DCLK1: variants seen among roughly 807,000 people sequenced by gnomAD.
DCLK1 encodes the protein doublecortin like kinase 1.
Under a neutral mutation model 86.2 loss-of-function variants are expected in DCLK1, and 16 were observed. The observed-to-expected ratio is 0.19, with a 90% CI of 0.13 to 0.28. The LOEUF (loss-of-function observed/expected upper bound fraction) is 0.28. Ranked by LOEUF, DCLK1 falls within the 10% of genes least tolerant of loss-of-function variation. DCLK1 has a pLI of 1.00. For synonymous variants in DCLK1, 369 were observed against 370.5 expected (o/e 1.00, Z 0.05); for missense variants, 590 against 940.2 (o/e 0.63, Z 4.87).
At chr13:36,045,861 A>T in intron 3 of DCLK1, among the ~76,000 whole-genome samples, 1 of 152,164 alleles carries the variant, frequency 6.6e-6, no homozygotes, top group Admixed American at 6.5e-5. Flanking sequence ...TCAAGAAAAA[A>T]AAAAAAAGTT....
intron 3 of DCLK1, among the ~76,000 whole-genome samples, chr13:36,095,088 A>G (rs780191589): frequency 1.3e-5 from 2 of 152,168 alleles, no homozygotes; most frequent in Non-Finnish European, 2.9e-5. Flanking sequence ...TTTGTCAAGA[A>G]CCAGAAATTT....
intron 3 of DCLK1, among the ~76,000 whole-genome samples, chr13:35,992,883 AACTGCACTGATAT>A (rs1214856050): frequency 8.5e-5 from 13 of 152,050 alleles, no homozygotes; most frequent in Non-Finnish European, 1.8e-4. Flanking sequence ...CACCTTTATG[AACTGCACTGATAT>A]ACTACTCCCC....
chr13:36,046,317 T>C (rs973601704), intron 3 of DCLK1, among the ~76,000 whole-genome samples: 1 of 152,136 alleles, frequency 6.6e-6, no homozygotes, highest in African/African-American at 2.4e-5. Flanking sequence ...AGCATCTGAG[T>C]TAATACATAA....
intron 3 of DCLK1, among the ~76,000 whole-genome samples, chr13:35,976,525 G>GTTTTTTTTTTTTTTTTTT (rs11294824): frequency 2.3e-4 from 13 of 56,372 alleles, no homozygotes; most frequent in Non-Finnish European, 3.0e-4. Flanking sequence ...CTTCTCCGAG[G>GTTTTTTTTTTTTTTTTTT]TTTTTTTTTT....
At chr13:36,117,214 CTT>C (rs1295148918) in intron 2 of DCLK1, among the ~76,000 whole-genome samples, 1 of 151,910 alleles carries the variant, frequency 6.6e-6, no homozygotes, top group East Asian at 1.9e-4. Flanking sequence ...AGTAGAGACT[CTT>C]TTACTTATTT....
chr13:35,871,864 G>A (rs1593684635), intron 4 of DCLK1, among the ~76,000 whole-genome samples: 1 of 152,184 alleles, frequency 6.6e-6, no homozygotes. Context: ...GCTTGGAAGA[G>A]GTAAAACTGG....
intron 3 of DCLK1, among the ~76,000 whole-genome samples, chr13:35,955,416 A>G (rs561643205): frequency 6.6e-6 from 1 of 152,080 alleles, no homozygotes; most frequent in South Asian, 2.1e-4. Flanking sequence ...GGTAGAAGGG[A>G]CAAGGGACCT....
chr13:36,002,414 C>G (rs548630831), intron 3 of DCLK1, among the ~76,000 whole-genome samples: 19 of 152,228 alleles, frequency 1.2e-4, no homozygotes, highest in Admixed American at 1.0e-3. Flanking sequence ...TCTAAAATAA[C>G]CCTTACAGCT....
chr13:35,772,023 T>C lies in DCLK1; in HGVS notation c.*2512A>G, dbSNP rs896858473. 6.6e-6 allele frequency: 1 copy of C among 152,220 alleles called. No homozygotes were observed. The highest frequency in any genetic ancestry group is 1.5e-5 in the Non-Finnish European group (1 of 68,042). 9.4% of individuals were successfully genotyped at this position (152,220 alleles called of 1,614,324 possible). On this transcript the variant is annotated 3_prime_UTR_variant, in exon 17 of 17. Coordinates refer to ENST00000360631, the MANE Select transcript of DCLK1 (RefSeq NM_001330071.2). ...CTTGTCTGTTAACCCTCTGAGTACA[T>C]CTCTGACATTCAGGATCTTGGTAGC...
At chr13:35,801,094 C>T (rs754394232) in intron 15 of DCLK1, among the ~76,000 whole-genome samples, 1 of 152,172 alleles carries the variant, frequency 6.6e-6, no homozygotes, top group Non-Finnish European at 1.5e-5. Context: ...AAAATTAGAA[C>T]TAATGAGAGC....
chr13:36,112,028 G>T lies in DCLK1; in HGVS notation c.564C>A (p.Val188=). The T allele has an allele frequency of 6.2e-7, 1 of 1,614,192 alleles. No homozygotes were observed. Among genetic ancestry groups the T allele is most frequent in the South Asian group, 1.1e-5 (1 of 91,064 alleles). The change falls in exon 3 of 17, where the codon GTC becomes GTA. Residue 188 remains valine (V), a synonymous_variant. Transcript: ENST00000360631. ...ENKDFIRPKL[V]TIIRSGVKPR... is the part of the protein sequence containing the mutation. ...GCTTCACGCCACTTCTGATGATGGT[G>T]ACCAGCTTGGGCCGAATGAAATCCT... is the stretch of plus-strand genomic sequence containing the variant.
rs759851476 is a variant in DCLK1, at chr13:36,125,775, G to A, written c.363C>T (p.Asp121=). 2 of 1,613,470 alleles carry A rather than the reference G, an allele frequency of 1.2e-6. No homozygotes were observed. Among genetic ancestry groups the A allele is most frequent in the Admixed American group, 3.3e-5 (2 of 60,006 alleles). ...IDGLKKISSL[D]QLVEGESYVC... is the part of the protein sequence containing the mutation. ...CACAGCGCTCACCTTCCACCAGTTG[G>A]TCCAGGCTGGAAATCTTCTTGAGCC... Residue 121 remains aspartate, a synonymous_variant, in exon 2 of 17, where the codon GAC becomes GAT. Coordinates refer to ENST00000360631, the MANE Select transcript of DCLK1 (RefSeq NM_001330071.2).
intron 3 of DCLK1, among the ~76,000 whole-genome samples, chr13:36,017,210 C>T (rs1423152543): frequency 1.3e-5 from 2 of 152,114 alleles, no homozygotes; most frequent in African/African-American, 4.8e-5. Context: ...AGTTACTGAT[C>T]GTATCTCCAA....
chr13:36,061,819 A>G (rs1285954162), intron 3 of DCLK1, among the ~76,000 whole-genome samples: 1 of 152,194 alleles, frequency 6.6e-6, no homozygotes, highest in Non-Finnish European at 1.5e-5. Context: ...CATCTACTCA[A>G]AACTAAGTGG....
chr13:36,031,709 G>A (rs2153153325), intron 3 of DCLK1, among the ~76,000 whole-genome samples: 1 of 152,348 alleles, frequency 6.6e-6, no homozygotes, highest in African/African-American at 2.4e-5. Flanking sequence ...CTGCTGGTAA[G>A]TGGTTAGTGT....
At chr13:36,124,626 C>T (rs1886105553) in intron 2 of DCLK1, among the ~76,000 whole-genome samples, 1 of 152,208 alleles carries the variant, frequency 6.6e-6, no homozygotes, top group South Asian at 2.1e-4. Context: ...GGGGCTGCAA[C>T]GGGTGCTTCC....
chr13:35,935,984 G>A (rs1876730608), intron 4 of DCLK1, among the ~76,000 whole-genome samples: 1 of 152,066 alleles, frequency 6.6e-6, no homozygotes, highest in Non-Finnish European at 1.5e-5. Flanking sequence ...AACTTGGCTA[G>A]GAATAGAGAG....
intron 3 of DCLK1, among the ~76,000 whole-genome samples, chr13:36,060,494 A>G (rs1883500685): frequency 6.6e-6 from 1 of 152,184 alleles, no homozygotes; most frequent in Non-Finnish European, 1.5e-5. Flanking sequence ...TATCAAACAC[A>G]GACATTCCGT....
chr13:35,919,454 C>T (rs1038189338), intron 4 of DCLK1, among the ~76,000 whole-genome samples: 1 of 152,152 alleles, frequency 6.6e-6, no homozygotes, highest in African/African-American at 2.4e-5. Flanking sequence ...AAATCTTATG[C>T]AGAGCCCAAA....
Sources: gnomAD v4.1 joint callset for allele counts (sites outside exome capture counted in the v4.1 genomes callset) on GRCh38, gnomAD v4.1.1 for gene constraint, MANE v1.5 for transcripts, NCBI Gene and HGNC (gene_info 2026-07-23, HGNC 2026-07-21) for gene names.